TOGARAM1: variants seen among roughly 807,000 people sequenced by gnomAD.
TOGARAM1 encodes the protein TOG array regulator of axonemal microtubules protein 1.
A neutral mutation model predicts 166.6 loss-of-function variants in TOGARAM1; 100 were observed. The ratio of observed to expected loss-of-function variants is 0.60; its 90% CI spans 0.51 to 0.71. The LOEUF is 0.71. Ranked by LOEUF, TOGARAM1 falls within the 30% of genes least tolerant of loss-of-function variation. The pLI is 0.00. For missense variants in TOGARAM1, 2,029 were observed against 2,102.7 expected, an observed-to-expected ratio of 0.96 and a Z score of 0.69; for synonymous variants, 758 against 763.8, an observed-to-expected ratio of 0.99 and a Z score of 0.13.
intron 15 of TOGARAM1, 129 bp from the exon 16 acceptor site, chr14:45,054,302 C>A: frequency 3.4e-6 from 2 of 597,004 alleles, no homozygotes; most frequent in Admixed American, 3.2e-5. Context: ...CTCTTTAAAG[C>A]ATATCAGATT....
chr14:44,986,446 TA>T (rs2138774794), intron 1 of TOGARAM1, among the ~76,000 whole-genome samples: 1 of 152,030 alleles, frequency 6.6e-6, no homozygotes, highest in East Asian at 1.9e-4. Flanking sequence ...GGGGCCAACA[TA>T]CCCAGCTAAT....
rs969339889 is a variant in TOGARAM1, at chr14:45,071,810, G to T, written c.5056+12G>T. 3 of 1,582,982 alleles carry T rather than the reference G, an allele frequency of 1.9e-6. No homozygotes were observed. The highest frequency in any genetic ancestry group is 2.6e-6 in the Non-Finnish European group (3 of 1,163,912). On this transcript the variant is annotated intron_variant, in intron 19 of 19. Coordinates refer to ENST00000361462, the MANE Select transcript of TOGARAM1 (RefSeq NM_001308120.2). ...GGAAAAGCTTGCTGGTAAATACTTTGTAATTTCTAAAGAAATATTTTATTA... is the reference window on the plus strand; with the variant it reads ...GGAAAAGCTTGCTGGTAAATACTTTTTAATTTCTAAAGAAATATTTTATTA...
intron 8 of TOGARAM1, among the ~76,000 whole-genome samples, chr14:45,026,872 G>C (rs1320799073): frequency 6.6e-6 from 1 of 151,776 alleles, no homozygotes; most frequent in African/African-American, 2.4e-5. Context: ...GGCAGGCCTG[G>C]TGCTGTGCGT....
chr14:45,059,642 C>A (rs1882804493), intron 16 of TOGARAM1, among the ~76,000 whole-genome samples: 1 of 151,572 alleles, frequency 6.6e-6, no homozygotes, highest in Non-Finnish European at 1.5e-5. Flanking sequence ...GGCGACAGAG[C>A]GAGACTCTGT....
chr14:45,004,049 G>A lies in TOGARAM1; in HGVS notation c.2339-12G>A, dbSNP rs761601092. On this transcript the variant is annotated splice_polypyrimidine_tract_variant and intron_variant, in intron 3 of 19. Coordinates refer to ENST00000361462, the MANE Select transcript of TOGARAM1 (RefSeq NM_001308120.2). The stretch of plus-strand genomic sequence containing the variant: ...ATACATAAATAATATATTATCTTTT[G>A]TTTTATTACAGTGTATGCTAGCCTC... 4.9e-5 allele frequency: 79 copies of A among 1,600,194 alleles called. No homozygotes were observed. In the South Asian group the frequency reaches 8.3e-4, roughly 17 times the overall value.
At chr14:45,059,943 C>CG (rs1882824910) in intron 16 of TOGARAM1, among the ~76,000 whole-genome samples, 1 of 143,654 alleles carries the variant, frequency 7.0e-6, no homozygotes, top group African/African-American at 2.6e-5. Flanking sequence ...GATGGAGTCT[C>CG]GCTCTGTCGC....
At chr14:45,031,740 G>C (rs183386488) in intron 10 of TOGARAM1, among the ~76,000 whole-genome samples, 42 of 152,244 alleles carry the variant, frequency 2.8e-4, no homozygotes, top group Non-Finnish European at 4.6e-4. Context: ...CATATAAAAA[G>C]TAAAGTTTTC....
At chr14:45,051,381 A>G (rs1429948393) in intron 14 of TOGARAM1, among the ~76,000 whole-genome samples, 1 of 152,144 alleles carries the variant, frequency 6.6e-6, no homozygotes, top group Non-Finnish European at 1.5e-5. Context: ...TCAATGGGCA[A>G]GGAGCCCAGG....
At chr14:45,039,615 G>A (rs1048819625) in intron 11 of TOGARAM1, among the ~76,000 whole-genome samples, 9 of 152,140 alleles carry the variant, frequency 5.9e-5, no homozygotes, top group South Asian at 2.1e-4. Context: ...TGCACACCCG[G>A]CTAGTTCCTG....
chr14:45,013,742 T>C (rs1879949379), intron 7 of TOGARAM1, among the ~76,000 whole-genome samples: 1 of 152,138 alleles, frequency 6.6e-6, no homozygotes, highest in South Asian at 2.1e-4. Context: ...AAGAAATACA[T>C]AAACTTATCC....
chr14:45,026,137 AT>A (rs1156770589), intron 8 of TOGARAM1, among the ~76,000 whole-genome samples: 1 of 152,162 alleles, frequency 6.6e-6, no homozygotes, highest in Non-Finnish European at 1.5e-5. Context: ...TTCTAAGACT[AT>A]TTTAGGATAG....
At chr14:45,066,973 A>G (rs1445182857) in intron 17 of TOGARAM1, among the ~76,000 whole-genome samples, 1 of 152,206 alleles carries the variant, frequency 6.6e-6, no homozygotes, top group Non-Finnish European at 1.5e-5. Context: ...AATGAAGTTT[A>G]TCAGTTTAAA....
chr14:45,068,897 A>C (rs1462175295), intron 18 of TOGARAM1, among the ~76,000 whole-genome samples: 1 of 152,094 alleles, frequency 6.6e-6, no homozygotes, highest in Non-Finnish European at 1.5e-5. Context: ...ATCTGCTAAC[A>C]AAACTAACTC....
intron 1 of TOGARAM1, among the ~76,000 whole-genome samples, chr14:44,983,649 A>G (rs576079301): frequency 6.6e-6 from 1 of 152,328 alleles, no homozygotes; most frequent in Admixed American, 6.5e-5. Flanking sequence ...CAGTTAATAT[A>G]ACAAATTTGA....
At chr14:44,969,340 A>G (rs1022067681) in intron 1 of TOGARAM1, among the ~76,000 whole-genome samples, 1 of 151,422 alleles carries the variant, frequency 6.6e-6, no homozygotes, top group Non-Finnish European at 1.5e-5. Flanking sequence ...TTTAGTAGAG[A>G]CGGGATTTCA....
intron 16 of TOGARAM1, among the ~76,000 whole-genome samples, chr14:45,059,430 C>T (rs1466031333): frequency 1.3e-5 from 2 of 152,114 alleles, no homozygotes; most frequent in Non-Finnish European, 1.5e-5. Flanking sequence ...GATGGATTGC[C>T]TGAGCTCAGA....
rs1396129075 is a variant in TOGARAM1, at chr14:44,971,145, C to CT, written c.2046+6681dup. Among the ~76,000 whole-genome samples the CT allele has an allele frequency of 2.0e-5, 3 of 151,966 alleles. No homozygotes were observed. The East Asian group carries it at 5.8e-4, about 29-fold the overall frequency. ...TTGCAGAGAATTGGTATAATTTTTTCTTTAAATGTTCAGTGGAATCCACCA... is the reference window on the plus strand; with the variant it reads ...TTGCAGAGAATTGGTATAATTTTTTCTTTTAAATGTTCAGTGGAATCCACCA... On this transcript the variant is annotated intron_variant, in intron 1 of 19. Transcript: ENST00000361462.
chr14:44,965,515 T>G (rs1164493177), intron 1 of TOGARAM1, among the ~76,000 whole-genome samples: 3 of 152,216 alleles, frequency 2.0e-5, no homozygotes, highest in Admixed American at 2.0e-4. Context: ...TACATTTATA[T>G]GTTTACTTGA....
At chr14:45,043,911 A>G in intron 12 of TOGARAM1, 120 bp downstream of exon 12, 1 of 599,468 alleles carries the variant, frequency 1.7e-6, no homozygotes, top group Non-Finnish European at 2.9e-6. Flanking sequence ...AAAGGCTTGT[A>G]TTTAATTAAA....
Sources: allele counts gnomAD v4.1 joint callset (sites outside exome capture counted in the v4.1 genomes callset), GRCh38; gene constraint gnomAD v4.1.1; transcripts MANE v1.5; gene names NCBI Gene and HGNC (gene_info 2026-07-23, HGNC 2026-07-21).